PBX1: variants seen among roughly 807,000 people sequenced by gnomAD.
PBX1 encodes the protein PBX homeobox 1.
In PBX1, 6 loss-of-function variants were observed where a neutral mutation model predicts 53.4. The ratio of observed to expected loss-of-function variants is 0.11; its 90% CI spans 0.06 to 0.22. The LOEUF (loss-of-function observed/expected upper bound fraction) is 0.22, where lower values mean the gene tolerates loss of function less well. Among genes scored for constraint, PBX1 ranks in the 10% least tolerant of loss-of-function variants. The pLI is 1.00. For synonymous variants in PBX1, 204 were observed against 212.3 expected, an observed-to-expected ratio of 0.96 and a Z score of 0.34; for missense variants, 251 against 551.4, an observed-to-expected ratio of 0.46 and a Z score of 5.46.
intron 2 of PBX1, among the ~76,000 whole-genome samples, chr1:164,649,943 A>C (rs559156111): frequency 1.6e-4 from 24 of 152,314 alleles, no homozygotes; most frequent in Admixed American, 9.8e-4. Context: ...GCCAAAAAAA[A>C]ACAAAGATAT....
chr1:164,863,556 T>C (rs1224805571), intron 2 of PBX1, among the ~76,000 whole-genome samples: 1 of 152,118 alleles, frequency 6.6e-6, no homozygotes, highest in Non-Finnish European at 1.5e-5. Flanking sequence ...ATATGTAATA[T>C]GAAAAAAGAT....
chr1:164,661,435 T>G (rs933658740), intron 2 of PBX1, among the ~76,000 whole-genome samples: 2 of 151,118 alleles, frequency 1.3e-5, no homozygotes, highest in Non-Finnish European at 3.0e-5. Flanking sequence ...TTTTTTTTTT[T>G]TTTTTTTTTG....
intron 2 of PBX1, among the ~76,000 whole-genome samples, chr1:164,695,822 G>GTT (rs1274019200): frequency 6.6e-6 from 1 of 152,220 alleles, no homozygotes; most frequent in African/African-American, 2.4e-5. Context: ...TGGACAGGGA[G>GTT]TTTGAGCAGC....
At chr1:164,584,382 A>T (rs1354400823) in intron 2 of PBX1, among the ~76,000 whole-genome samples, 4 of 151,830 alleles carry the variant, frequency 2.6e-5, no homozygotes, top group Admixed American at 6.6e-5. Context: ...AGAGAGAGAG[A>T]GATCTAAAAG....
chr1:164,691,160 A>G (rs1207261656), intron 2 of PBX1, among the ~76,000 whole-genome samples: 2 of 151,738 alleles, frequency 1.3e-5, no homozygotes, highest in Non-Finnish European at 2.9e-5. Flanking sequence ...GATTACAGGC[A>G]TGCACCACCA....
At chr1:164,621,625 C>T (rs552806984) in intron 2 of PBX1, among the ~76,000 whole-genome samples, 2 of 152,258 alleles carry the variant, frequency 1.3e-5, no homozygotes, top group South Asian at 2.1e-4. Flanking sequence ...GAGGCCATCC[C>T]TCTTGTTGCA....
rs1034273453 is a variant in PBX1 at position 164,620,151 on chromosome 1, A to T, written c.265+56840A>T. Reference sequence around the variant, plus strand: ...CAAGGCTGCAGTGAGCCATGATTGGACCTGGCAGCAGAGTGAGATCCTATC... The same window carrying T: ...CAAGGCTGCAGTGAGCCATGATTGGTCCTGGCAGCAGAGTGAGATCCTATC... On this transcript the variant is annotated intron_variant, in intron 2 of 8. Transcript: ENST00000420696. Among the ~76,000 whole-genome samples, 6 of 152,146 alleles carry T rather than the reference A, an allele frequency of 3.9e-5. 1 individual carries two copies. Among genetic ancestry groups the T allele is most frequent in the Admixed American group, 3.9e-4 (6 of 15,274 alleles).
intron 2 of PBX1, among the ~76,000 whole-genome samples, chr1:164,712,473 AAGC>A (rs1187932811): frequency 6.6e-6 from 1 of 152,326 alleles, no homozygotes; most frequent in South Asian, 2.1e-4. Flanking sequence ...AGGCCAAAAT[AAGC>A]AGATCTGTGA....
chr1:164,663,736 T>C (rs1300503887), intron 2 of PBX1, among the ~76,000 whole-genome samples: 1 of 152,262 alleles, frequency 6.6e-6, no homozygotes, highest in Non-Finnish European at 1.5e-5. Flanking sequence ...AATAATTATA[T>C]TAGCAAAGTA....
downstream of PBX1, among the ~76,000 whole-genome samples, chr1:164,853,352 ACT>A (rs1462378228): frequency 6.6e-6 from 1 of 152,154 alleles, no homozygotes; most frequent in Admixed American, 6.5e-5. Context: ...TGGACAGCTG[ACT>A]CTGTCCATCA....
chr1:164,641,895 T>TA (rs1659168639), intron 2 of PBX1: 1 of 152,214 alleles, frequency 6.6e-6, no homozygotes, highest in African/African-American at 2.4e-5. Flanking sequence ...TTAAGGAAGT[T>TA]AGAACACTTG....
chr1:164,825,284 T>C (rs759203096), intron 8 of PBX1, among the ~76,000 whole-genome samples: 4 of 152,226 alleles, frequency 2.6e-5, no homozygotes, highest in Non-Finnish European at 5.9e-5. Context: ...TTCTTCTTAG[T>C]CCTTCTCCCC....
chr1:164,580,335 G>A (rs1197584959), intron 2 of PBX1, among the ~76,000 whole-genome samples: 1 of 152,166 alleles, frequency 6.6e-6, no homozygotes, highest in Admixed American at 6.5e-5. Context: ...CTGGAGTGCA[G>A]TGGCATGATC....
chr1:164,817,147 G>A (rs558783168), intron 6 of PBX1: 1 of 152,264 alleles, frequency 6.6e-6, no homozygotes, highest in South Asian at 2.1e-4. Context: ...ATCTTAAAAT[G>A]TGCTTCTAAT....
intron 2 of PBX1, among the ~76,000 whole-genome samples, chr1:164,651,352 T>G (rs924674784): frequency 1.3e-4 from 19 of 151,922 alleles, no homozygotes; most frequent in African/African-American, 4.4e-4. Flanking sequence ...CTGGCTCATT[T>G]TGTCCCCTTT....
At chr1:164,595,257 A>G (rs1026476857) in intron 2 of PBX1, among the ~76,000 whole-genome samples, 7 of 152,204 alleles carry the variant, frequency 4.6e-5, no homozygotes, top group African/African-American at 1.7e-4. Flanking sequence ...TCCCTGGTAC[A>G]ACTCTATGGA....
intron 7 of PBX1, 117 bp from the exon 8 acceptor site, chr1:164,821,420 C>T: frequency 1.3e-6 from 1 of 774,678 alleles, no homozygotes; most frequent in Non-Finnish European, 2.3e-6. Context: ...ACAACTGTCT[C>T]CAAAATGATT....
At chr1:164,601,893 A>T (rs934330734) in intron 2 of PBX1, among the ~76,000 whole-genome samples, 1 of 152,188 alleles carries the variant, frequency 6.6e-6, no homozygotes, top group Non-Finnish European at 1.5e-5. Context: ...TTTCAGACAG[A>T]GGTTGGAACC....
intron 2 of PBX1, among the ~76,000 whole-genome samples, chr1:164,751,440 C>A (rs1450595111): frequency 6.6e-5 from 10 of 152,028 alleles, no homozygotes; most frequent in Admixed American, 3.9e-4. Context: ...ACAAGAGAAT[C>A]TGGCCATCTT....
Sources: gnomAD v4.1 joint callset for allele counts (sites outside exome capture counted in the v4.1 genomes callset) on GRCh38, gnomAD v4.1.1 for gene constraint, MANE v1.5 for transcripts, NCBI Gene and HGNC (gene_info 2026-07-23, HGNC 2026-07-21) for gene names.